Variants in UBE2W observed in about 807,000 individuals in gnomAD.
The protein encoded by UBE2W is ubiquitin conjugating enzyme E2 W, also known as ubiquitin-conjugating enzyme E2 W.
Under a neutral mutation model 27.2 loss-of-function variants are expected in UBE2W, and 18 were observed. The ratio of observed to expected loss-of-function variants is 0.66; its 90% CI spans 0.46 to 0.98. UBE2W has a LOEUF of 0.98. Ranked by LOEUF, UBE2W falls within the 50% of genes least tolerant of loss-of-function variation. UBE2W has a pLI of 0.00. For missense variants in UBE2W, 90 were observed against 180.2 expected (o/e 0.50, Z 2.87); for synonymous variants, 53 against 57.2 (o/e 0.93, Z 0.33).
At chr8:73,846,487 A>G (rs1201833836) in intron 1 of UBE2W, among the ~76,000 whole-genome samples, 1 of 152,222 alleles carries the variant, frequency 6.6e-6, no homozygotes, top group Non-Finnish European at 1.5e-5. Flanking sequence ...ATAAAGCAGC[A>G]CACCACCAAA....
At chr8:73,833,154 C>T (rs1015163698) in intron 1 of UBE2W, among the ~76,000 whole-genome samples, 5 of 130,504 alleles carry the variant, frequency 3.8e-5, no homozygotes, top group African/African-American at 1.5e-4. Flanking sequence ...CACTGCACTA[C>T]AGCCTGGGCG....
intron 1 of UBE2W, among the ~76,000 whole-genome samples, chr8:73,837,062 T>A (rs1810337443): frequency 6.6e-6 from 1 of 152,102 alleles, no homozygotes; most frequent in Non-Finnish European, 1.5e-5. Context: ...AATATACTAC[T>A]CTCCTCTGAA....
chr8:73,857,661 C>T (rs1811361699), intron 1 of UBE2W, among the ~76,000 whole-genome samples: 1 of 151,762 alleles, frequency 6.6e-6, no homozygotes. Flanking sequence ...ACTAAAAATA[C>T]AAAAATTAGC....
At chr8:73,782,360 C>T (rs1340023462), downstream of UBE2W, among the ~76,000 whole-genome samples, 1 of 151,944 alleles carries the variant, frequency 6.6e-6, no homozygotes, top group Admixed American at 6.6e-5. Flanking sequence ...AGATAATGAA[C>T]ATATGTATCA....
chr8:73,794,926 G>T (rs1246265360), intron 5 of UBE2W, among the ~76,000 whole-genome samples: 1 of 150,982 alleles, frequency 6.6e-6, no homozygotes. Context: ...TGCAAATGGG[G>T]TCATTAAAAA....
At chr8:73,784,677 G>C (rs1807902786), downstream of UBE2W, among the ~76,000 whole-genome samples, 1 of 152,104 alleles carries the variant, frequency 6.6e-6, no homozygotes, top group Admixed American at 6.5e-5. Context: ...AACCACCCTA[G>C]AGTGGGTGCA....
chr8:73,859,523 A>G (rs1811457139), intron 1 of UBE2W, among the ~76,000 whole-genome samples: 1 of 152,214 alleles, frequency 6.6e-6, no homozygotes, highest in Non-Finnish European at 1.5e-5. Flanking sequence ...ATTTTCGCTC[A>G]TGATTTTCTT....
intron 4 of UBE2W, among the ~76,000 whole-genome samples, chr8:73,808,715 G>C (rs1292092743): frequency 6.6e-6 from 1 of 152,056 alleles, no homozygotes; most frequent in Admixed American, 6.6e-5. Context: ...CTTGATTTCT[G>C]TATTATCATC....
intron 3 of UBE2W, among the ~76,000 whole-genome samples, chr8:73,813,370 A>C (rs1040167706): frequency 2.6e-5 from 4 of 152,240 alleles, no homozygotes; most frequent in Admixed American, 2.6e-4. Flanking sequence ...CAGATGCAGC[A>C]GATATTCTGT....
At chr8:73,833,034 A>C (rs1321863999) in intron 1 of UBE2W, among the ~76,000 whole-genome samples, 4 of 152,064 alleles carry the variant, frequency 2.6e-5, no homozygotes, top group Non-Finnish European at 5.9e-5. Flanking sequence ...ATACTAAAAA[A>C]ATTAGCCAGG....
At chr8:73,840,159 C>A (rs755015197) in intron 1 of UBE2W, among the ~76,000 whole-genome samples, 40 of 152,172 alleles carry the variant, frequency 2.6e-4, no homozygotes, top group Non-Finnish European at 5.1e-4. Flanking sequence ...AAGGTTCACA[C>A]CATTCTCCTG....
chr8:73,784,634 C>T (rs753663710), downstream of UBE2W, among the ~76,000 whole-genome samples: 1 of 152,174 alleles, frequency 6.6e-6, no homozygotes, highest in Non-Finnish European at 1.5e-5. Context: ...AGGGACCACA[C>T]CTTAATCCAA....
chr8:73,826,545 T>C (rs569113976), intron 2 of UBE2W, among the ~76,000 whole-genome samples: 7 of 152,218 alleles, frequency 4.6e-5, no homozygotes, highest in Admixed American at 2.6e-4. Context: ...TAAATGTACC[T>C]ATTCTCTAAA....
In UBE2W at chr8:73,786,953, G is replaced by T; in HGVS notation, c.*7149C>A. 2 of 985,404 alleles carry T rather than the reference G, an allele frequency of 2.0e-6. No homozygotes were observed. Among genetic ancestry groups the T allele is most frequent in the Non-Finnish European group, 2.4e-6 (2 of 829,920 alleles). The allele number at this position is 985,404 out of a possible 1,614,324, so 61.0% of individuals were successfully genotyped here. Reference sequence around the variant, plus strand: ...TTGAATTGGCTATCTGCAGGATACAGCCATCTATATTAGGATCTTGTCTAA... The same window carrying T: ...TTGAATTGGCTATCTGCAGGATACATCCATCTATATTAGGATCTTGTCTAA... On this transcript the variant is annotated 3_prime_UTR_variant, in exon 6 of 6. Transcript: ENST00000602593.
chr8:73,878,612 G>T (rs1185988117), intron 1 of UBE2W, among the ~76,000 whole-genome samples, 196 bp downstream of exon 1: 10 of 152,074 alleles, frequency 6.6e-5, no homozygotes, highest in Admixed American at 5.2e-4. Context: ...TTCGACCGAC[G>T]GATACCGCAC....
intron 1 of UBE2W, among the ~76,000 whole-genome samples, chr8:73,854,663 CAAGT>C (rs1811214141): frequency 6.6e-6 from 1 of 152,134 alleles, no homozygotes; most frequent in Admixed American, 6.6e-5. Flanking sequence ...TTTCTTCTGT[CAAGT>C]AAGTAGTGTT....
chr8:73,872,736 T>C (rs1444992457), intron 1 of UBE2W, among the ~76,000 whole-genome samples: 2 of 152,206 alleles, frequency 1.3e-5, no homozygotes, highest in Middle Eastern at 3.2e-3. Context: ...TAAACTACTT[T>C]ATAGTTTTTA....
rs553349005 is a variant in UBE2W, at chr8:73,860,338, TAGAC to T, written c.15+18466_15+18469del. ...ACTGGGACAAGGCAGAAGCAAAAGA[TAGAC>T]AGCAATGGAATCAGAGATAAGGCAA... On this transcript the variant is annotated intron_variant, in intron 1 of 5. Transcript: ENST00000602593. Among the ~76,000 whole-genome samples the T allele has an allele frequency of 8.6e-4, 131 of 152,302 alleles. 3 individuals carry two copies. In the South Asian group the frequency reaches 0.026, roughly 30 times the overall value.
At chr8:73,833,673 A>C (rs1165207534) in intron 1 of UBE2W, 2 of 149,310 alleles carry the variant, frequency 1.3e-5, no homozygotes, top group African/African-American at 4.9e-5. Context: ...AAACAAAACA[A>C]AACACAGTAG....
Sources: gnomAD v4.1 joint callset for allele counts (sites outside exome capture counted in the v4.1 genomes callset) on GRCh38, gnomAD v4.1.1 for gene constraint, MANE v1.5 for transcripts, NCBI Gene and HGNC (gene_info 2026-07-23, HGNC 2026-07-21) for gene names.